The following RYR2 variants were observed in gnomAD, a reference collection of about 807,000 sequenced individuals.
RYR2 encodes ryanodine receptor 2, also known as cardiac muscle ryanodine receptor-calcium release channel.
Under a neutral mutation model 601.1 loss-of-function variants are expected in RYR2, and 227 were observed. The observed-to-expected ratio is 0.38, with a 90% CI of 0.34 to 0.42. The LOEUF (loss-of-function observed/expected upper bound fraction) is 0.42. Among genes scored for constraint, RYR2 ranks in the 10% least tolerant of loss-of-function variants. RYR2 has a pLI of 1.00. For missense variants in RYR2, 4,646 were observed against 6,156.5 expected, an observed-to-expected ratio of 0.75 and a Z score of 8.21; for synonymous variants, 2,223 against 2,175.1, an observed-to-expected ratio of 1.02 and a Z score of -0.61.
chr1:237,480,474 T>C (rs1260467123), intron 17 of RYR2, among the ~76,000 whole-genome samples: 1 of 152,120 alleles, frequency 6.6e-6, no homozygotes, highest in Non-Finnish European at 1.5e-5. Context: ...TGGCAATTTA[T>C]ACAAATAAAT....
chr1:237,284,585 C>G (rs899360097), intron 2 of RYR2, among the ~76,000 whole-genome samples: 3 of 96,922 alleles, frequency 3.1e-5, no homozygotes, highest in Admixed American at 9.2e-5. Context: ...CACACACACC[C>G]ACACACAGAC....
chr1:237,624,314 A>G (rs968952383), intron 39 of RYR2, among the ~76,000 whole-genome samples: 6 of 152,176 alleles, frequency 3.9e-5, no homozygotes, highest in African/African-American at 1.4e-4. Context: ...TTCTGTTAAG[A>G]GGGTAGATGT....
At chr1:237,406,975 T>A (rs1703965638) in intron 10 of RYR2, among the ~76,000 whole-genome samples, 1 of 152,196 alleles carries the variant, frequency 6.6e-6, no homozygotes, top group Non-Finnish European at 1.5e-5. Context: ...CTCTCAAAAT[T>A]CCCTGTTCCC....
At chr1:237,481,175 A>G (rs935314742) in intron 17 of RYR2, among the ~76,000 whole-genome samples, 1 of 146,476 alleles carries the variant, frequency 6.8e-6, no homozygotes, top group African/African-American at 2.6e-5. Flanking sequence ...TATTTCTGTG[A>G]CTTACGGAAA....
chr1:237,783,570 A>T, intron 89 of RYR2, 105 bp from the exon 90 acceptor site: 1 of 673,088 alleles, frequency 1.5e-6, no homozygotes, highest in Non-Finnish European at 2.6e-6. Context: ...ATAAACAGGG[A>T]CATATCCTTG....
At chr1:237,480,886 C>G (rs1253470361) in intron 17 of RYR2, among the ~76,000 whole-genome samples, 1 of 151,878 alleles carries the variant, frequency 6.6e-6, no homozygotes. Context: ...TTATTTTTCT[C>G]TCCTTTTCTT....
chr1:237,465,749 A>G (rs959071079), intron 16 of RYR2, among the ~76,000 whole-genome samples: 1 of 152,242 alleles, frequency 6.6e-6, no homozygotes, highest in African/African-American at 2.4e-5. Flanking sequence ...CCTGGGCTAC[A>G]TAACCTATGG....
At chr1:237,471,600 T>C (rs1325709527) in intron 17 of RYR2, among the ~76,000 whole-genome samples, 1 of 152,120 alleles carries the variant, frequency 6.6e-6, no homozygotes, top group African/African-American at 2.4e-5. Flanking sequence ...ACTGGCTGAA[T>C]CAACTGCACA....
rs1660967126 is a variant in RYR2, at chr1:237,809,000, G to A, written c.14398G>A (p.Asp4800Asn). 1.2e-6 allele frequency: 2 copies of A among 1,613,424 alleles called. No homozygotes were observed. Among genetic ancestry groups the A allele is most frequent in the Non-Finnish European group, 1.7e-6 (2 of 1,179,424 alleles). Residue 4800 changes from aspartate (D) to asparagine (N), a missense_variant, in exon 100 of 105, where the codon GAT becomes AAT. This residue lies in a region of RYR2 where 21 missense variants were observed against 24.8 expected (regional missense o/e 0.85). Transcript: ENST00000366574. ...RKFYNKSEDG[D>N]TPDMKCDDML... Reference sequence around the variant, plus strand: ...ATTCTACAATAAAAGTGAAGATGGTGATACACCAGATATGAAATGTGACGA... The same window carrying A: ...ATTCTACAATAAAAGTGAAGATGGTAATACACCAGATATGAAATGTGACGA...
intron 67 of RYR2, among the ~76,000 whole-genome samples, chr1:237,705,991 C>A (rs1423246470): frequency 2.6e-5 from 4 of 152,180 alleles, no homozygotes; most frequent in African/African-American, 9.7e-5. Flanking sequence ...TGGCTCATGC[C>A]TGTAATCCCA....
At chr1:237,115,630 C>T (rs1669990413) in intron 1 of RYR2, among the ~76,000 whole-genome samples, 2 of 152,128 alleles carry the variant, frequency 1.3e-5, no homozygotes, top group African/African-American at 4.8e-5. Flanking sequence ...CATTTTCACA[C>T]AGACAATGTG....
intron 1 of RYR2, among the ~76,000 whole-genome samples, chr1:237,096,784 C>T (rs569229685): frequency 3.9e-5 from 6 of 152,210 alleles, no homozygotes; most frequent in East Asian, 3.8e-4. Context: ...CTGGCATGTT[C>T]GGAACCTGTT....
At chr1:237,522,802 TAA>T (rs1476456170) in intron 24 of RYR2, among the ~76,000 whole-genome samples, 3 of 152,178 alleles carry the variant, frequency 2.0e-5, no homozygotes, top group Non-Finnish European at 4.4e-5. Flanking sequence ...GTTTAAGTAC[TAA>T]AATGCTACAT....
chr1:237,341,684 G>A (rs1398913957), intron 3 of RYR2: 3 of 513,088 alleles, frequency 5.8e-6, no homozygotes, highest in Admixed American at 3.9e-5. Context: ...ACTGCAAGAT[G>A]GAATTTATAG....
intron 1 of RYR2, among the ~76,000 whole-genome samples, chr1:237,145,491 G>T (rs1016621801): frequency 2.0e-5 from 3 of 152,172 alleles, no homozygotes; most frequent in African/African-American, 7.2e-5. Context: ...ATATGCAAGA[G>T]TTTTTCTGAT....
At chr1:237,104,834 G>A (rs927787560) in intron 1 of RYR2, among the ~76,000 whole-genome samples, 6 of 152,334 alleles carry the variant, frequency 3.9e-5, no homozygotes, top group Middle Eastern at 3.4e-3. Context: ...CCTGTGCGTG[G>A]CAGGCCCTCT....
chr1:237,176,446 G>A (rs1302266433), intron 1 of RYR2, among the ~76,000 whole-genome samples: 1 of 151,298 alleles, frequency 6.6e-6, no homozygotes, highest in Non-Finnish European at 1.5e-5. Context: ...AACATGTATG[G>A]TTCTTATGAA....
chr1:237,302,555 A>G (rs1408584433), intron 2 of RYR2, among the ~76,000 whole-genome samples: 1 of 152,160 alleles, frequency 6.6e-6, no homozygotes, highest in Non-Finnish European at 1.5e-5. Context: ...TATACAGGAT[A>G]TTCCTCTCAC....
chr1:237,367,406 G>T (rs1007589996), intron 5 of RYR2, among the ~76,000 whole-genome samples: 6 of 151,932 alleles, frequency 3.9e-5, no homozygotes, highest in Admixed American at 2.6e-4. Context: ...AAAAAAAGTG[G>T]TTTTTCAGCA....
Sources: allele counts gnomAD v4.1 joint callset (sites outside exome capture counted in the v4.1 genomes callset), GRCh38; gene constraint gnomAD v4.1.1; regional missense constraint gnomAD v4.1.1; transcripts MANE v1.5; gene names NCBI Gene and HGNC (gene_info 2026-07-23, HGNC 2026-07-21).